Variants in FILIP1 observed in about 807,000 individuals in gnomAD.
FILIP1 encodes filamin A interacting protein 1.
In FILIP1, 61 loss-of-function variants were observed where a neutral mutation model predicts 102.1. The ratio of observed to expected loss-of-function variants is 0.60; its 90% CI spans 0.49 to 0.74. The LOEUF (loss-of-function observed/expected upper bound fraction) is 0.74. Ranked by LOEUF, FILIP1 falls within the 30% of genes least tolerant of loss-of-function variation. FILIP1 has a pLI of 0.00. For synonymous variants in FILIP1, 491 were observed against 526.9 expected (o/e 0.93, Z 0.93); for missense variants, 1,314 against 1,441.2 (o/e 0.91, Z 1.43).
At chr6:75,343,665 C>G (rs60771949) in intron 4 of FILIP1, among the ~76,000 whole-genome samples, 263 of 152,282 alleles carry the variant, frequency 1.7e-3, no homozygotes, top group African/African-American at 6.2e-3. Context: ...GATTTCTGTT[C>G]TCCCGTTTAG....
At chr6:75,349,786 A>T (rs983124736) in intron 4 of FILIP1, among the ~76,000 whole-genome samples, 3 of 152,152 alleles carry the variant, frequency 2.0e-5, no homozygotes, top group African/African-American at 4.8e-5. Context: ...GCAGCGACCC[A>T]GCCAAGGTCC....
downstream of FILIP1, among the ~76,000 whole-genome samples, chr6:75,306,781 C>G (rs950864785): frequency 8.0e-5 from 12 of 149,566 alleles, no homozygotes; most frequent in African/African-American, 2.2e-4. Flanking sequence ...GAGACAGAGT[C>G]TCTCTCTGTC....
intron 4 of FILIP1, among the ~76,000 whole-genome samples, chr6:75,334,963 G>C (rs908809857): frequency 6.6e-6 from 1 of 152,110 alleles, no homozygotes; most frequent in Non-Finnish European, 1.5e-5. Flanking sequence ...TGGGAATTAC[G>C]CTCCACACTA....
chr6:75,449,193 T>C (rs1357782529), intron 1 of FILIP1, among the ~76,000 whole-genome samples: 1 of 152,138 alleles, frequency 6.6e-6, no homozygotes, highest in Non-Finnish European at 1.5e-5. Flanking sequence ...CTGAATGGAT[T>C]TGGAGACCAT....
At position 75,314,520 on chromosome 6, in the gene FILIP1, A is replaced by G. The variant is rs369951203; in HGVS notation, c.1312T>C (p.Leu438=). The change falls in exon 5 of 6, where the codon TTG becomes CTG. Residue 438 remains leucine, a synonymous_variant. Transcript: ENST00000237172. ...LQKRMSELEK[L]EEAFSKSKSE... ...TTACTCTTGCTAAATGCTTCTTCCA[A>G]TTTCTCTAGTTCAGACATTCTCTTC... 24 of 1,612,890 alleles carry G rather than the reference A, an allele frequency of 1.5e-5. No individual in the cohort carries two copies. The highest frequency in any genetic ancestry group is 1.9e-5 in the Non-Finnish European group (23 of 1,179,784).
At chr6:75,296,808 A>T (rs1402095384) in intron 6 of FILIP1, 1 of 152,092 alleles carries the variant, frequency 6.6e-6, no homozygotes, top group Admixed American at 6.5e-5. Context: ...TTTAAACTAG[A>T]TTGAGGTAGT....
intron 6 of FILIP1, among the ~76,000 whole-genome samples, chr6:75,299,086 A>T (rs899417202): frequency 6.6e-5 from 10 of 151,908 alleles, no homozygotes; most frequent in Admixed American, 5.9e-4. Context: ...AAAAAAACAG[A>T]CTTGAATTCC....
intron 4 of FILIP1, among the ~76,000 whole-genome samples, chr6:75,318,272 G>A (rs1582333351): frequency 1.0e-5 from 1 of 99,498 alleles, no homozygotes; most frequent in Non-Finnish European, 1.9e-5. Context: ...ATCTTGTTCT[G>A]TCACCCAGGT....
chr6:75,330,049 G>C (rs560409287), intron 4 of FILIP1, among the ~76,000 whole-genome samples: 1 of 152,120 alleles, frequency 6.6e-6, no homozygotes, highest in Admixed American at 6.5e-5. Flanking sequence ...AGAGAGAAGT[G>C]GATGAGGGTT....
intron 1 of FILIP1, among the ~76,000 whole-genome samples, chr6:75,481,901 G>C (rs1779658728): frequency 6.6e-6 from 1 of 152,150 alleles, no homozygotes; most frequent in Non-Finnish European, 1.5e-5. Context: ...AAGAGAAATT[G>C]AAATAATAAT....
At chr6:75,480,395 T>C (rs1779618380) in intron 1 of FILIP1, among the ~76,000 whole-genome samples, 3 of 144,326 alleles carry the variant, frequency 2.1e-5, no homozygotes, top group Admixed American at 2.1e-4. Context: ...TTTTAATTAA[T>C]ATGGGTTTAA....
chr6:75,319,526 G>C (rs1322800604), intron 4 of FILIP1: 2 of 569,024 alleles, frequency 3.5e-6, no homozygotes, highest in Non-Finnish European at 6.9e-6. Flanking sequence ...CTACCTCTCT[G>C]AGCACTTCTT....
At chr6:75,410,545 C>T (rs1301524234) in intron 2 of FILIP1, among the ~76,000 whole-genome samples, 1 of 152,074 alleles carries the variant, frequency 6.6e-6, no homozygotes, top group South Asian at 2.1e-4. Context: ...CTATCCATTC[C>T]CTTGCCCTGC....
chr6:75,322,498 C>A (rs1773696601), intron 4 of FILIP1, among the ~76,000 whole-genome samples: 1 of 152,134 alleles, frequency 6.6e-6, no homozygotes, highest in South Asian at 2.1e-4. Flanking sequence ...CCCTGATTCC[C>A]ATCAGCAGTC....
intron 2 of FILIP1, among the ~76,000 whole-genome samples, chr6:75,374,407 C>G (rs1319592475): frequency 6.6e-6 from 1 of 152,106 alleles, no homozygotes; most frequent in African/African-American, 2.4e-5. Flanking sequence ...GAGACAGAGT[C>G]TTGCTCTGTC....
intron 1 of FILIP1, among the ~76,000 whole-genome samples, chr6:75,453,016 T>A (rs1010736256): frequency 4.7e-4 from 71 of 152,300 alleles, no homozygotes; most frequent in African/African-American, 1.6e-3. Flanking sequence ...GTATAAAGTG[T>A]TCGCTGTAAT....
At chr6:75,397,549 C>G (rs1476056374) in intron 2 of FILIP1, among the ~76,000 whole-genome samples, 1 of 69,730 alleles carries the variant, frequency 1.4e-5, no homozygotes, top group Admixed American at 1.4e-4. Flanking sequence ...CACACACACA[C>G]ACACACACAC....
At position 75,314,450 on chromosome 6, in the gene FILIP1, T is replaced by C; in HGVS notation, c.1382A>G (p.Asn461Ser). ...QLHLNLEKEK[N>S]LTKDLLNELE... ...TTCATTTAGCAGGTCTTTGGTTAAG[T>C]TCTTTTCTTTCTCCAGATTTAAATG... The change falls in exon 5 of 6, where the codon AAC (asparagine) becomes AGC (serine). Residue 461 changes from asparagine to serine, a missense_variant. Transcript: ENST00000237172. 6.3e-7 allele frequency: 1 copy of C among 1,583,450 alleles called. No individual in the cohort carries two copies. Among genetic ancestry groups the C allele is most frequent in the Non-Finnish European group, 8.5e-7 (1 of 1,170,382 alleles).
intron 1 of FILIP1, among the ~76,000 whole-genome samples, chr6:75,460,934 A>T (rs1779003673): frequency 6.6e-6 from 1 of 152,238 alleles, no homozygotes; most frequent in African/African-American, 2.4e-5. Context: ...GCTGATTTGT[A>T]ACAAAACGTT....
Sources: allele counts gnomAD v4.1 joint callset (sites outside exome capture counted in the v4.1 genomes callset), GRCh38; gene constraint gnomAD v4.1.1; transcripts MANE v1.5; gene names NCBI Gene and HGNC (gene_info 2026-07-23, HGNC 2026-07-21).